The following CLIC1 variants were observed in gnomAD, a reference collection of about 807,000 sequenced individuals.
The protein encoded by CLIC1 is CLIC family member 1.
Under a neutral mutation model 26.4 loss-of-function variants are expected in CLIC1, and 16 were observed. That is an observed-to-expected ratio of 0.61 (90% CI 0.41 to 0.92). The LOEUF (loss-of-function observed/expected upper bound fraction) is 0.92, where lower values mean the gene tolerates loss of function less well. CLIC1 is among the 40% of genes least tolerant of loss of function. The probability of loss-of-function intolerance (pLI) is 0.00; values close to 1 mark genes in which losing one functional copy is unlikely to be tolerated. For synonymous variants in CLIC1, 98 were observed against 120.8 expected, an observed-to-expected ratio of 0.81 and a Z score of 1.24; for missense variants, 225 against 289.7, an observed-to-expected ratio of 0.78 and a Z score of 1.62.
chr6:31,733,511 C>A lies in CLIC1; in HGVS notation c.382+55G>T. On this transcript the variant is annotated intron_variant, in intron 4 of 5. Transcript: ENST00000375784. The surrounding 1 kb of genome is among the most constrained non-coding windows in gnomAD (Gnocchi z 5.4). ...CCAGGTGCCCCTAATGTCTCCTACC[C>A]GCTGGGTCCTCTCTATTCCTCCCAG... 1 of 1,319,502 alleles carries A rather than the reference C, an allele frequency of 7.6e-7. No homozygotes were observed. The highest frequency in any genetic ancestry group is 1.2e-5 in the South Asian group (1 of 84,568). 81.7% of individuals were successfully genotyped at this position (1,319,502 alleles called of 1,614,324 possible).
chr6:31,730,603 T>C lies in CLIC1; in HGVS notation c.*239A>G. The stretch of plus-strand genomic sequence containing the variant: ...CCATTGCGTAAAAACACTTGATTTT[T>C]ATTCTGTATTTTATTACTGAAATAT... On this transcript the variant is annotated 3_prime_UTR_variant, in exon 6 of 6. Coordinates refer to ENST00000375784, the Ensembl canonical transcript of CLIC1. The surrounding 1 kb of genome is among the most constrained non-coding windows in gnomAD (Gnocchi z 5.1). The C allele has an allele frequency of 1.9e-6, 1 of 527,612 alleles. No individual in the cohort carries two copies. Among genetic ancestry groups the C allele is most frequent in the East Asian group, 3.0e-5 (1 of 32,920 alleles). The allele number at this position is 527,612 out of a possible 1,614,324, so 32.7% of individuals were successfully genotyped here.
Position 31,733,473 on chromosome 6 carries a change from G to T in CLIC1, c.382+93C>A. On this transcript the variant is annotated intron_variant, in intron 4 of 5. Coordinates refer to ENST00000375784, the Ensembl canonical transcript of CLIC1. This position sits in a 1 kb window ranked among gnomAD's most constrained non-coding sequence, Gnocchi z 5.4. The stretch of plus-strand genomic sequence containing the variant: ...TTACGAACATCTGCTTCATCTCCCT[G>T]ATATCTGAACGTCCAGGTGCCCCTA... 1 of 856,952 alleles carries T rather than the reference G, an allele frequency of 1.2e-6. No homozygotes were observed. Among genetic ancestry groups the T allele is most frequent in the Non-Finnish European group, 1.9e-6 (1 of 516,406 alleles). 53.1% of individuals were successfully genotyped at this position (856,952 alleles called of 1,614,324 possible).
At position 31,734,623 on chromosome 6, in the gene CLIC1, T is replaced by C. The variant is rs184577221; in HGVS notation, c.40-360A>G. On this transcript the variant is annotated intron_variant, in intron 1 of 5. Transcript: ENST00000375784. This position sits in a 1 kb window ranked among gnomAD's most constrained non-coding sequence, Gnocchi z 5.3. ...TGGATTTCTGGGTTCCTGAAGGGAGTAGAGTCTGAAGACAGGAGAGGTGGG... is the reference window on the plus strand; with the variant it reads ...TGGATTTCTGGGTTCCTGAAGGGAGCAGAGTCTGAAGACAGGAGAGGTGGG... Among the ~76,000 whole-genome samples the C allele has an allele frequency of 1.8e-3, 270 of 152,002 alleles. 1 individual carries two copies. The highest frequency in any genetic ancestry group is 2.0e-3 in the Non-Finnish European group (134 of 67,976).
chr6:31,732,262 G>C lies in CLIC1; in HGVS notation c.519C>G (p.Leu173=). 6.3e-7 allele frequency: 1 copy of C among 1,594,082 alleles called. No homozygotes were observed. Among genetic ancestry groups the C allele is most frequent in the African/African-American group, 1.3e-5 (1 of 74,272 alleles). Reference sequence around the variant, plus strand: ...GCAACAGGTTGCAGTCAGCCAGGGTGAGCTCGTTGCCATCCAAAAACTTCC... The same window carrying C: ...GCAACAGGTTGCAGTCAGCCAGGGTCAGCTCGTTGCCATCCAAAAACTTCC... Residue 173 remains leucine, a synonymous_variant, in exon 5 of 6, where the codon CTC becomes CTG. Transcript: ENST00000375784. The surrounding 1 kb of genome is among the most constrained non-coding windows in gnomAD (Gnocchi z 5.0).
At chr6:31,731,198 G>C (rs998281747) in intron 5 of CLIC1, among the ~76,000 whole-genome samples, 195 bp from the exon 6 acceptor site, 1 of 152,088 alleles carries the variant, frequency 6.6e-6, no homozygotes, top group Non-Finnish European at 1.5e-5. Context: ...TAAAACTTGA[G>C]ATATAATTTA....
chr6:31,733,717 G>A lies in CLIC1; in HGVS notation c.276-45C>T. 1 of 1,606,514 alleles carries A rather than the reference G, an allele frequency of 6.2e-7. No individual in the cohort carries two copies. The highest frequency in any genetic ancestry group is 8.5e-7 in the Non-Finnish European group (1 of 1,173,652). ...ATGAGGTAAGATGTCTTCCTGGGAGGAACCTCAGCTAGCTCTCCTGCCCCA... is the reference window on the plus strand; with the variant it reads ...ATGAGGTAAGATGTCTTCCTGGGAGAAACCTCAGCTAGCTCTCCTGCCCCA... On this transcript the variant is annotated intron_variant, in intron 3 of 5. Coordinates refer to ENST00000375784, the Ensembl canonical transcript of CLIC1. The surrounding 1 kb of genome is among the most constrained non-coding windows in gnomAD (Gnocchi z 5.4).
Position 31,732,982 on chromosome 6 carries a change from C to T in CLIC1, c.382+584G>A, listed in dbSNP as rs1054480364. ...ACTAAAAATACAAAAATTAGCTGGG[C>T]GTGGTGATGCACGTCTGTAATCCCA... On this transcript the variant is annotated intron_variant, in intron 4 of 5. Coordinates refer to ENST00000375784, the Ensembl canonical transcript of CLIC1. The surrounding 1 kb of genome is among the most constrained non-coding windows in gnomAD (Gnocchi z 5.0). Among the ~76,000 whole-genome samples, 2 of 151,478 alleles carry T rather than the reference C, an allele frequency of 1.3e-5. No homozygotes were observed. Among genetic ancestry groups the T allele is most frequent in the Non-Finnish European group, 2.9e-5 (2 of 67,882 alleles).
rs755989435 is a variant in CLIC1 at position 31,733,597 on chromosome 6, G to A, written c.351C>T (p.Tyr117=). The A allele has an allele frequency of 9.3e-6, 15 of 1,612,970 alleles. 1 individual carries two copies. Among genetic ancestry groups the A allele is most frequent in the Non-Finnish European group, 1.3e-5 (15 of 1,179,966 alleles). Residue 117 remains tyrosine, a synonymous_variant, in exon 4 of 6, where the codon TAC becomes TAT. Transcript: ENST00000375784. The surrounding 1 kb of genome is among the most constrained non-coding windows in gnomAD (Gnocchi z 5.4). ...TGAGTGCTGGGTTTGAATTCTTGAT[G>A]TAGGCAGAAAATTTGGCAAATATGT...
At chr6:31,735,547 G>C (rs900452189) in intron 1 of CLIC1, among the ~76,000 whole-genome samples, 7 of 151,788 alleles carry the variant, frequency 4.6e-5, no homozygotes, top group Non-Finnish European at 1.0e-4. Flanking sequence ...TGCCCTAACC[G>C]AGCTCTTCTC....
Position 31,736,418 on chromosome 6 carries a change from GCACAA to G in CLIC1, c.-123_-119del, listed in dbSNP as rs557911727. 2.1e-5 allele frequency: 33 copies of G among 1,560,118 alleles called. 2 individuals carry two copies. The South Asian group carries it at 3.7e-4, about 18-fold the overall frequency. Reference sequence around the variant, plus strand: ...CCCTAGACCCAGGGCTGTCCCTTCAGCACAACACAAGCTCAATCAGACCTACTTGC... The same window carrying G: ...CCCTAGACCCAGGGCTGTCCCTTCAGCACAAGCTCAATCAGACCTACTTGC... On this transcript the variant is annotated 5_prime_UTR_variant, in exon 1 of 6. Transcript: ENST00000375784. The surrounding 1 kb of genome is among the most constrained non-coding windows in gnomAD (Gnocchi z 5.0).
In CLIC1 at chr6:31,734,551, G is replaced by A. The variant is rs574338684; in HGVS notation, c.40-288C>T. Among the ~76,000 whole-genome samples, 1 of 152,322 alleles carries A rather than the reference G, an allele frequency of 6.6e-6. No individual in the cohort carries two copies. The highest frequency in any genetic ancestry group is 2.4e-5 in the African/African-American group (1 of 41,564). ...TTGGGAGGATCTGAATCCTAGAGAG[G>A]GAAGGGTGTGGAACTTCAGTGAGGC... On this transcript the variant is annotated intron_variant, in intron 1 of 5. Transcript: ENST00000375784. This position sits in a 1 kb window ranked among gnomAD's most constrained non-coding sequence, Gnocchi z 5.3.
In CLIC1 at chr6:31,736,268, G is replaced by A. The variant is rs200422429; in HGVS notation, c.33C>T (p.Phe11=). 9 of 1,612,624 alleles carry A rather than the reference G, an allele frequency of 5.6e-6. No homozygotes were observed. The highest frequency in any genetic ancestry group is 1.1e-5 in the South Asian group (1 of 91,074). Residue 11 remains phenylalanine (F), a synonymous_variant, in exon 1 of 6, where the codon TTC becomes TTT. Transcript: ENST00000375784. The surrounding 1 kb of genome is among the most constrained non-coding windows in gnomAD (Gnocchi z 5.0). ...AGGAGAGAAGTGTTCTTACCTTCACGAACAATTCGACCTGCGGTTGTTCTT... is the reference window on the plus strand; with the variant it reads ...AGGAGAGAAGTGTTCTTACCTTCACAAACAATTCGACCTGCGGTTGTTCTT...
chr6:31,732,170 A>G lies in CLIC1; in HGVS notation c.564+47T>C. On this transcript the variant is annotated intron_variant, in intron 5 of 5. Transcript: ENST00000375784. The surrounding 1 kb of genome is among the most constrained non-coding windows in gnomAD (Gnocchi z 5.0). ...GGGAAGCCCATGTGGGAGCTCCTTA[A>G]AGGGCCACTCCAGTGGTCATCCTCT... The G allele has an allele frequency of 7.3e-7, 1 of 1,361,706 alleles. No individual in the cohort carries two copies. Among genetic ancestry groups the G allele is most frequent in the Non-Finnish European group, 9.6e-7 (1 of 1,042,834 alleles). 84.4% of individuals were successfully genotyped at this position (1,361,706 alleles called of 1,614,324 possible).
intron 1 of CLIC1, among the ~76,000 whole-genome samples, chr6:31,735,187 A>C (rs552784659): frequency 5.0e-4 from 75 of 151,380 alleles, no homozygotes; most frequent in African/African-American, 1.7e-3. Context: ...AGACACACAA[A>C]GATGAGAGAA....
rs1807849298 is a variant in CLIC1, at chr6:31,730,712, T to C, written c.*130A>G. The C allele has an allele frequency of 1.0e-5, 10 of 977,070 alleles. No homozygotes were observed. The South Asian group carries it at 1.6e-4, about 16-fold the overall frequency. The allele number at this position is 977,070 out of a possible 1,614,324, so 60.5% of individuals were successfully genotyped here. A position where few individuals can be genotyped will look rare whatever the true frequency, so the allele number is the denominator to read the frequency against. The stretch of plus-strand genomic sequence containing the variant: ...CCTCATCCCCTCTTCCACCACACCA[T>C]CCCGGAACAAGTGCTCCAGGATTCC... On this transcript the variant is annotated 3_prime_UTR_variant, in exon 6 of 6. Transcript: ENST00000375784. This position sits in a 1 kb window ranked among gnomAD's most constrained non-coding sequence, Gnocchi z 5.1.
chr6:31,734,101 G>A lies in CLIC1; in HGVS notation c.149+53C>T. The A allele has an allele frequency of 6.3e-7, 1 of 1,586,354 alleles. No homozygotes were observed. The highest frequency in any genetic ancestry group is 8.7e-7 in the Non-Finnish European group (1 of 1,154,966). The stretch of plus-strand genomic sequence containing the variant: ...GACAGAAGGACTCGGGTGGGTGTGT[G>A]TTTGCACACATGTGTACACCAGGGG... On this transcript the variant is annotated intron_variant, in intron 2 of 5. Transcript: ENST00000375784. This position sits in a 1 kb window ranked among gnomAD's most constrained non-coding sequence, Gnocchi z 5.3.
In CLIC1 at chr6:31,734,324, C is replaced by T. The variant is rs760181052; in HGVS notation, c.40-61G>A. The T allele has an allele frequency of 2.2e-5, 27 of 1,232,974 alleles. No homozygotes were observed. Among genetic ancestry groups the T allele is most frequent in the Non-Finnish European group, 3.2e-5 (27 of 846,728 alleles). The allele number at this position is 1,232,974 out of a possible 1,614,324, so 76.4% of individuals were successfully genotyped here. A position where few individuals can be genotyped will look rare whatever the true frequency, so the allele number is the denominator to read the frequency against. On this transcript the variant is annotated intron_variant, in intron 1 of 5. Transcript: ENST00000375784. This position sits in a 1 kb window ranked among gnomAD's most constrained non-coding sequence, Gnocchi z 5.3. Reference sequence around the variant, plus strand: ...GCACCCCACCCATCCCTAGGCCAGTCCCTGCATTCCCACTCCCAGACCAGC... The same window carrying T: ...GCACCCCACCCATCCCTAGGCCAGTTCCTGCATTCCCACTCCCAGACCAGC...
chr6:31,733,824 G>A lies in CLIC1; in HGVS notation c.275+12C>T. ...CCTGCTCCACCTCTCCACTTTCTGA[G>A]TGCCCCTATACCTGGGAGGGCACAG... On this transcript the variant is annotated intron_variant, in intron 3 of 5. Coordinates refer to ENST00000375784, the Ensembl canonical transcript of CLIC1. The surrounding 1 kb of genome is among the most constrained non-coding windows in gnomAD (Gnocchi z 5.4). 1.9e-6 allele frequency: 3 copies of A among 1,613,500 alleles called. No homozygotes were observed. The highest frequency in any genetic ancestry group is 2.5e-6 in the Non-Finnish European group (3 of 1,179,468).
intron 5 of CLIC1, among the ~76,000 whole-genome samples, chr6:31,731,682 C>T (rs1807960959): frequency 1.3e-5 from 2 of 152,158 alleles, no homozygotes; most frequent in Admixed American, 1.3e-4. Flanking sequence ...AGAGCAAGGC[C>T]CAGTCACCAT....
Sources: allele counts gnomAD v4.1 joint callset (sites outside exome capture counted in the v4.1 genomes callset), GRCh38; gene constraint gnomAD v4.1.1; non-coding constraint Gnocchi (gnomAD v3.1); transcripts MANE v1.5; gene names NCBI Gene and HGNC (gene_info 2026-07-23, HGNC 2026-07-21).